Variants in VPS13A observed in about 807,000 individuals in gnomAD.
The protein encoded by VPS13A is vacuolar protein sorting 13 homolog A.
Under a neutral mutation model 390.9 loss-of-function variants are expected in VPS13A, and 264 were observed. The observed-to-expected ratio is 0.68, with a 90% CI of 0.61 to 0.75. The LOEUF is 0.75. VPS13A is among the 30% of genes least tolerant of loss of function. The pLI is 0.00. For missense variants in VPS13A, 3,409 were observed against 3,733.9 expected (o/e 0.91, Z 2.27); for synonymous variants, 1,231 against 1,227.1 (o/e 1.00, Z -0.07).
At position 77,365,440 on chromosome 9, in the gene VPS13A, A is replaced by G; in HGVS notation, c.8212-20A>G. The G allele has an allele frequency of 1.3e-6, 2 of 1,528,796 alleles. No homozygotes were observed. The highest frequency in any genetic ancestry group is 2.2e-5 in the South Asian group (2 of 89,188). 94.7% of individuals were successfully genotyped at this position (1,528,796 alleles called of 1,614,324 possible). On this transcript the variant is annotated intron_variant, in intron 59 of 71. Coordinates refer to ENST00000360280, the MANE Select transcript of VPS13A (RefSeq NM_033305.3). ...GCAGGTAGGTCCCTTTAGTTTTAAT[A>G]TTTTGTGTTCCTTTTATAGGTTGAG...
chr9:77,347,230 T>A (rs949206122), intron 52 of VPS13A, among the ~76,000 whole-genome samples: 1 of 152,186 alleles, frequency 6.6e-6, no homozygotes, highest in Non-Finnish European at 1.5e-5. Flanking sequence ...AGAATGTTGA[T>A]GGTATTTTTA....
chr9:77,416,227 C>A lies in VPS13A; in HGVS notation c.*221C>A. On this transcript the variant is annotated 3_prime_UTR_variant, in exon 72 of 72. Transcript: ENST00000360280. ...ATATTTTAATTCTTCAGCAATTACC[C>A]GGTTTTCTAAATTGAATCATGCATC... 4.1e-6 allele frequency: 2 copies of A among 485,564 alleles called. No homozygotes were observed. Among genetic ancestry groups the A allele is most frequent in the Non-Finnish European group, 3.7e-6 (1 of 268,334 alleles). 30.1% of individuals were successfully genotyped at this position (485,564 alleles called of 1,614,324 possible). A position where few individuals can be genotyped will look rare whatever the true frequency, so the allele number is the denominator to read the frequency against.
intron 71 of VPS13A, among the ~76,000 whole-genome samples, chr9:77,413,049 G>A (rs1835010601): frequency 6.6e-6 from 1 of 152,116 alleles, no homozygotes; most frequent in Non-Finnish European, 1.5e-5. Flanking sequence ...GGATGTGAAG[G>A]ACCTCTTCAA....
At position 77,179,693 on chromosome 9, in the gene VPS13A, T is replaced by G. The variant is rs182864978; in HGVS notation, c.100+1889T>G. On this transcript the variant is annotated intron_variant, in intron 1 of 71. Coordinates refer to ENST00000360280, the MANE Select transcript of VPS13A (RefSeq NM_033305.3). The stretch of plus-strand genomic sequence containing the variant: ...GTTTTAAATTGGGTTGTACGTTTTT[T>G]TTTTTTTTTTGAGATTTATTTCATA... Among the ~76,000 whole-genome samples the G allele has an allele frequency of 5.6e-3, 850 of 152,186 alleles. 14 individuals are homozygous for G. Among genetic ancestry groups the G allele is most frequent in the South Asian group, 0.044 (211 of 4,822 alleles).
chr9:77,361,960 CAT>C (rs1832165823), intron 59 of VPS13A, among the ~76,000 whole-genome samples: 1 of 152,022 alleles, frequency 6.6e-6, no homozygotes, highest in South Asian at 2.1e-4. Flanking sequence ...AGTTAATTTG[CAT>C]ATCTTATGTG....
intron 33 of VPS13A, among the ~76,000 whole-genome samples, chr9:77,299,141 A>G (rs1047767300): frequency 1.3e-5 from 2 of 152,108 alleles, no homozygotes; most frequent in Non-Finnish European, 2.9e-5. Flanking sequence ...TAACAGTACT[A>G]TGCTGTTTTG....
At chr9:77,402,602 T>C (rs1303893329) in intron 68 of VPS13A, among the ~76,000 whole-genome samples, 1 of 152,180 alleles carries the variant, frequency 6.6e-6, no homozygotes, top group Non-Finnish European at 1.5e-5. Flanking sequence ...GTAAATCTTA[T>C]TTTGTTCATA....
chr9:77,277,745 A>G (rs1254838744), intron 26 of VPS13A, among the ~76,000 whole-genome samples: 1 of 152,136 alleles, frequency 6.6e-6, no homozygotes, highest in Non-Finnish European at 1.5e-5. Flanking sequence ...ATAACTGGGC[A>G]GCCCATTTCT....
chr9:77,247,420 A>ATT (rs1194520567), intron 20 of VPS13A, 25 bp downstream of exon 20: 1 of 1,579,402 alleles, frequency 6.3e-7, no homozygotes, highest in African/African-American at 1.4e-5. Flanking sequence ...TATTTGATTT[A>ATT]TGATACAGCA....
At chr9:77,178,121 C>G in intron 1 of VPS13A, 1 of 342,978 alleles carries the variant, frequency 2.9e-6, no homozygotes, top group Non-Finnish European at 5.6e-6. Flanking sequence ...CCGTTCTCTA[C>G]CCCTGGCCCC....
chr9:77,320,140 A>G (rs1474800214), intron 42 of VPS13A, among the ~76,000 whole-genome samples: 2 of 152,072 alleles, frequency 1.3e-5, no homozygotes, highest in African/African-American at 4.8e-5. Context: ...CCTTACAACA[A>G]CTCTTGGAGG....
intron 1 of VPS13A, among the ~76,000 whole-genome samples, chr9:77,182,013 A>G (rs917932992): frequency 1.3e-5 from 2 of 152,172 alleles, no homozygotes; most frequent in Non-Finnish European, 1.5e-5. Context: ...CTTCCCATAT[A>G]TCATCTAGTT....
intron 47 of VPS13A, 197 bp from the exon 48 acceptor site, chr9:77,339,319 C>T: frequency 1.7e-6 from 1 of 586,154 alleles, no homozygotes. Context: ...AATACAGTAG[C>T]TCAAATCTCA....
intron 1 of VPS13A, among the ~76,000 whole-genome samples, chr9:77,178,969 C>A (rs1460930593): frequency 6.6e-6 from 1 of 152,130 alleles, no homozygotes; most frequent in East Asian, 1.9e-4. Context: ...CCGTGGGGAC[C>A]TAGTATCATG....
chr9:77,254,194 C>T (rs1393752793), intron 22 of VPS13A, among the ~76,000 whole-genome samples: 10 of 152,204 alleles, frequency 6.6e-5, no homozygotes, highest in South Asian at 6.2e-4. Flanking sequence ...CCGCCCGCCT[C>T]GGCCTCCCAA....
At chr9:77,341,176 T>C (rs1357403944) in intron 50 of VPS13A, among the ~76,000 whole-genome samples, 2 of 152,164 alleles carry the variant, frequency 1.3e-5, no homozygotes, top group Non-Finnish European at 2.9e-5. Flanking sequence ...GAGCTGGTTT[T>C]GAAGGTAAAT....
At position 77,238,059 on chromosome 9, in the gene VPS13A, A is replaced by T. The variant is rs1452653625; in HGVS notation, c.1653A>T (p.Lys551Asn). 1 of 1,613,298 alleles carries T rather than the reference A, an allele frequency of 6.2e-7. No homozygotes were observed. Among genetic ancestry groups the T allele is most frequent in the Non-Finnish European group, 8.5e-7 (1 of 1,179,652 alleles). ...CTGGCTTACCAGATAATTCAGAAAA[A>T]CCCCGCCTCCTGTCTTCATTGGATG... ...HITGLPDNSE[K>N]PRLLSSLDDA... The change falls in exon 18 of 72, where the codon AAA becomes AAT. Residue 551 changes from lysine (K) to asparagine (N), a missense_variant. Around this residue, in one of 5 missense-constraint regions of VPS13A, gnomAD observed 2,717 missense variants for 2,917.4 expected, o/e 0.93. Coordinates refer to ENST00000360280, the MANE Select transcript of VPS13A (RefSeq NM_033305.3).
intron 26 of VPS13A, among the ~76,000 whole-genome samples, chr9:77,278,969 T>C (rs1826854792): frequency 6.6e-6 from 1 of 152,168 alleles, no homozygotes; most frequent in African/African-American, 2.4e-5. Context: ...GGGGAGTGCT[T>C]TTGGGCTCCG....
At chr9:77,284,957 G>A (rs936704205) in intron 31 of VPS13A, among the ~76,000 whole-genome samples, 4 of 151,816 alleles carry the variant, frequency 2.6e-5, no homozygotes, top group African/African-American at 2.4e-5. Flanking sequence ...TGCCTGTCCC[G>A]GCCTCCCAAA....
Sources: allele counts gnomAD v4.1 joint callset (sites outside exome capture counted in the v4.1 genomes callset), GRCh38; gene constraint gnomAD v4.1.1; regional missense constraint gnomAD v4.1.1; transcripts MANE v1.5; gene names NCBI Gene and HGNC (gene_info 2026-07-23, HGNC 2026-07-21).